The following PAPPA variants were observed in gnomAD, a reference collection of about 807,000 sequenced individuals.
PAPPA encodes pappalysin-1.
A neutral mutation model predicts 164.0 loss-of-function variants in PAPPA; 60 were observed. The ratio of observed to expected loss-of-function variants is 0.37; its 90% CI spans 0.30 to 0.45. PAPPA has a LOEUF of 0.45. PAPPA is among the 20% of genes least tolerant of loss of function. The pLI, the probability that PAPPA is intolerant of heterozygous loss-of-function variation, is 1.00. For missense variants in PAPPA, 1,782 were observed against 2,087.3 expected, an observed-to-expected ratio of 0.85 and a Z score of 2.85; for synonymous variants, 875 against 814.1, an observed-to-expected ratio of 1.07 and a Z score of -1.27.
chr9:116,360,868 CA>C (rs1297920376), intron 17 of PAPPA, among the ~76,000 whole-genome samples: 9 of 152,232 alleles, frequency 5.9e-5, no homozygotes, highest in Non-Finnish European at 1.2e-4. Context: ...GGTTGCAAAA[CA>C]GATGATAAAC....
chr9:116,254,074 C>A (rs1191472613), intron 7 of PAPPA, among the ~76,000 whole-genome samples: 1 of 152,132 alleles, frequency 6.6e-6, no homozygotes, highest in Non-Finnish European at 1.5e-5. Flanking sequence ...AGTATACCTC[C>A]TTGGGAAATT....
chr9:116,321,144 C>T (rs1176824419), intron 10 of PAPPA, among the ~76,000 whole-genome samples: 1 of 152,038 alleles, frequency 6.6e-6, no homozygotes, highest in Non-Finnish European at 1.5e-5. Context: ...TTTCCTGCCT[C>T]AGCCTCCCGA....
At chr9:116,304,685 G>C (rs549111244) in intron 10 of PAPPA, among the ~76,000 whole-genome samples, 181 of 152,054 alleles carry the variant, frequency 1.2e-3, no homozygotes, top group African/African-American at 4.1e-3. Context: ...TGTAAGGGGG[G>C]GCTGTCAGGA....
intron 18 of PAPPA, among the ~76,000 whole-genome samples, chr9:116,363,490 C>T (rs557047168): frequency 8.2e-4 from 125 of 152,288 alleles, no homozygotes; most frequent in Non-Finnish European, 1.6e-3. Context: ...GGATTTGCCT[C>T]GTTGAAACCA....
At position 116,398,586 on chromosome 9, in the gene PAPPA, TGGCCATCTCTGGCCA is replaced by T; in HGVS notation, c.*1971_*1985del. On this transcript the variant is annotated 3_prime_UTR_variant, in exon 22 of 22. Transcript: ENST00000328252. ...CAAAAACACTTGAGAAGACATCTATTGGCCATCTCTGGCCAATTACACTAAGAAACATATCAAGGT... is the reference window on the plus strand; with the variant it reads ...CAAAAACACTTGAGAAGACATCTATTATTACACTAAGAAACATATCAAGGT... The T allele has an allele frequency of 8.0e-7, 1 of 1,253,036 alleles. No individual in the cohort carries two copies. The highest frequency in any genetic ancestry group is 1.0e-6 in the Non-Finnish European group (1 of 955,780). 77.6% of individuals were successfully genotyped at this position (1,253,036 alleles called of 1,614,324 possible).
chr9:116,379,302 A>G (rs1846695822), intron 20 of PAPPA, among the ~76,000 whole-genome samples: 1 of 152,200 alleles, frequency 6.6e-6, no homozygotes, highest in Non-Finnish European at 1.5e-5. Context: ...CTCTGGGACT[A>G]TCAACCTTGA....
At chr9:116,275,649 C>A (rs1028497003) in intron 9 of PAPPA, among the ~76,000 whole-genome samples, 1 of 151,596 alleles carries the variant, frequency 6.6e-6, no homozygotes, top group East Asian at 1.9e-4. Flanking sequence ...TTTTTCCTCT[C>A]CTCCTCCTCT....
chr9:116,368,413 G>T (rs894227933), intron 19 of PAPPA, among the ~76,000 whole-genome samples: 11 of 152,170 alleles, frequency 7.2e-5, no homozygotes, highest in Non-Finnish European at 1.3e-4. Flanking sequence ...TGAGGTGATG[G>T]GCCCTGAACC....
chr9:116,168,106 A>G (rs887766809), intron 1 of PAPPA, among the ~76,000 whole-genome samples: 1 of 152,218 alleles, frequency 6.6e-6, no homozygotes, highest in Non-Finnish European at 1.5e-5. Flanking sequence ...TAAGATTACT[A>G]GAAAGCATCA....
chr9:116,396,485 C>G (rs190148499), intron 21 of PAPPA, 24 bp from the exon 22 acceptor site: 1 of 780,284 alleles, frequency 1.3e-6, no homozygotes, highest in South Asian at 1.3e-5. Context: ...ACCAAATCAC[C>G]TGATTCACTT....
intron 9 of PAPPA, among the ~76,000 whole-genome samples, chr9:116,299,076 T>C (rs1439881651): frequency 6.6e-6 from 1 of 152,128 alleles, no homozygotes; most frequent in Non-Finnish European, 1.5e-5. Context: ...GGAGAGAGAA[T>C]TCCCCAGACA....
At chr9:116,251,518 G>C (rs1055186597) in intron 7 of PAPPA, among the ~76,000 whole-genome samples, 6 of 152,210 alleles carry the variant, frequency 3.9e-5, no homozygotes, top group African/African-American at 1.4e-4. Flanking sequence ...CTCCACAACT[G>C]TGTTCAGTTA....
At position 116,219,939 on chromosome 9, in the gene PAPPA, G is replaced by A. The variant is rs774009438; in HGVS notation, c.1921G>A (p.Asp641Asn). 6.2e-7 allele frequency: 1 copy of A among 1,605,746 alleles called. No individual in the cohort carries two copies. The highest frequency in any genetic ancestry group is 1.3e-5 in the African/African-American group (1 of 74,770). The stretch of plus-strand genomic sequence containing the variant: ...TCTCTCCCTCTGCCTGCTTGCAGAT[G>A]ACGACTGTACGGACTCCTTCACGCC... Reference protein sequence around the residue: ...PYNNFMSYADDDCTDSFTPNQ... With the variant: ...PYNNFMSYADNDCTDSFTPNQ... Residue 641 changes from aspartate to asparagine, a missense_variant and splice_region_variant, in exon 5 of 22, where the codon GAC becomes AAC. Coordinates refer to ENST00000328252, the MANE Select transcript of PAPPA (RefSeq NM_002581.5).
rs763232182 is a variant in PAPPA, at chr9:116,332,476, T to C, written c.3397+8T>C. The C allele has an allele frequency of 9.3e-6, 15 of 1,608,180 alleles. No homozygotes were observed. Among genetic ancestry groups the C allele is most frequent in the Non-Finnish European group, 1.3e-5 (15 of 1,175,344 alleles). ...ATCAGAGCCACGATCTAGGTAAGCA[T>C]GCTCTCTTGGTCTTGGCTTGCTTTC... On this transcript the variant is annotated splice_region_variant and intron_variant, in intron 12 of 21. Transcript: ENST00000328252.
Position 116,271,504 on chromosome 9 carries a change from C to A in PAPPA, c.2953+88C>A, listed in dbSNP as rs1845137370. On this transcript the variant is annotated intron_variant, in intron 9 of 21. Transcript: ENST00000328252. The surrounding 1 kb of genome is among the most constrained non-coding windows in gnomAD (Gnocchi z 4.2). The stretch of plus-strand genomic sequence containing the variant: ...ATGATAATGCCAACAATAGTTATGA[C>A]TAAATGATGATTCACTCCTTTGTAT... 1 of 925,402 alleles carries A rather than the reference C, an allele frequency of 1.1e-6. No individual in the cohort carries two copies. The highest frequency in any genetic ancestry group is 1.8e-6 in the Non-Finnish European group (1 of 561,632). 57.3% of individuals were successfully genotyped at this position (925,402 alleles called of 1,614,324 possible). A position where few individuals can be genotyped will look rare whatever the true frequency, so the allele number is the denominator to read the frequency against.
chr9:116,289,251 TATGTA>T (rs1845395184), intron 9 of PAPPA, among the ~76,000 whole-genome samples: 1 of 89,314 alleles, frequency 1.1e-5, no homozygotes, highest in African/African-American at 4.2e-5. Flanking sequence ...ATATAGCATA[TATGTA>T]GCATATATAT....
chr9:116,322,750 A>G (rs1845874384), intron 10 of PAPPA, among the ~76,000 whole-genome samples: 1 of 152,060 alleles, frequency 6.6e-6, no homozygotes, highest in African/African-American at 2.4e-5. Context: ...ATGTGGCCTA[A>G]GGAGAAATAT....
chr9:116,255,531 G>T (rs1844917395), intron 7 of PAPPA, among the ~76,000 whole-genome samples: 1 of 151,950 alleles, frequency 6.6e-6, no homozygotes, highest in African/African-American at 2.4e-5. Flanking sequence ...ATTTCCAGGG[G>T]CAAGACATGC....
chr9:116,279,007 A>G (rs1356182409), intron 9 of PAPPA, among the ~76,000 whole-genome samples: 2 of 152,196 alleles, frequency 1.3e-5, no homozygotes, highest in Non-Finnish European at 2.9e-5. Flanking sequence ...ATCAGCAAAA[A>G]TGGTCCTGAA....
Sources: allele counts gnomAD v4.1 joint callset (sites outside exome capture counted in the v4.1 genomes callset), GRCh38; gene constraint gnomAD v4.1.1; non-coding constraint Gnocchi (gnomAD v3.1); transcripts MANE v1.5; gene names NCBI Gene and HGNC (gene_info 2026-07-23, HGNC 2026-07-21).